Variants in CNTNAP2 observed in about 807,000 individuals in gnomAD.
CNTNAP2 encodes contactin associated protein 2, also known as contactin-associated protein-like 2.
CNTNAP2 carries 98 observed loss-of-function variants against 155.2 expected under a neutral mutation model. That is an observed-to-expected ratio of 0.63 (90% confidence interval 0.54 to 0.75). The LOEUF (loss-of-function observed/expected upper bound fraction) is 0.75. CNTNAP2 is among the 30% of genes least tolerant of loss of function. CNTNAP2 has a pLI of 0.00. For synonymous variants in CNTNAP2, 651 were observed against 631.2 expected, an observed-to-expected ratio of 1.03 and a Z score of -0.47; for missense variants, 1,727 against 1,688.1, an observed-to-expected ratio of 1.02 and a Z score of -0.40.
At chr7:147,887,376 C>G (rs1799619648) in intron 13 of CNTNAP2, among the ~76,000 whole-genome samples, 1 of 152,174 alleles carries the variant, frequency 6.6e-6, no homozygotes, top group South Asian at 2.1e-4. Context: ...GAGGCTGATG[C>G]AGGAGAATTG....
At position 147,607,751 on chromosome 7, in the gene CNTNAP2, T is replaced by A. The variant is rs150059948; in HGVS notation, c.1898-31355T>A. Among the ~76,000 whole-genome samples the A allele has an allele frequency of 1.7e-3, 265 of 152,306 alleles. 1 individual carries two copies. Among genetic ancestry groups the A allele is most frequent in the Admixed American group, 0.015 (227 of 15,306 alleles). On this transcript the variant is annotated intron_variant, in intron 12 of 23. Coordinates refer to ENST00000361727, the MANE Select transcript of CNTNAP2 (RefSeq NM_014141.6). ...CATCAAAGCTTTTCAGGTAACGGTG[T>A]CAGAAAGAGCATAATCTCTCAGGTT...
intron 1 of CNTNAP2, among the ~76,000 whole-genome samples, chr7:146,375,483 A>G (rs1038493590): frequency 6.6e-6 from 1 of 152,242 alleles, no homozygotes; most frequent in Non-Finnish European, 1.5e-5. Context: ...AATTACATTC[A>G]TCTAATATGA....
chr7:146,623,660 T>G (rs558988939), intron 1 of CNTNAP2, among the ~76,000 whole-genome samples: 1 of 152,188 alleles, frequency 6.6e-6, no homozygotes, highest in Non-Finnish European at 1.5e-5. Context: ...CTACTGACAT[T>G]TTGGTTGTTT....
intron 1 of CNTNAP2, among the ~76,000 whole-genome samples, chr7:146,122,415 T>C (rs1316423675): frequency 6.6e-6 from 1 of 152,208 alleles, no homozygotes; most frequent in African/African-American, 2.4e-5. Flanking sequence ...ATAAAGAATG[T>C]TATTTCCTCT....
intron 11 of CNTNAP2, among the ~76,000 whole-genome samples, chr7:147,533,829 A>G (rs574129493): frequency 6.6e-6 from 1 of 152,334 alleles, no homozygotes; most frequent in South Asian, 2.1e-4. Flanking sequence ...CAGTTGTACT[A>G]GCAACAGTTA....
intron 1 of CNTNAP2, among the ~76,000 whole-genome samples, chr7:146,611,137 G>A (rs576937869): frequency 2.0e-5 from 3 of 152,250 alleles, no homozygotes; most frequent in Non-Finnish European, 2.9e-5. Flanking sequence ...ATAAGGCCTC[G>A]CTCTGTCGCC....
intron 13 of CNTNAP2, among the ~76,000 whole-genome samples, chr7:147,677,453 C>T (rs1376915578): frequency 6.6e-6 from 1 of 151,544 alleles, no homozygotes; most frequent in Non-Finnish European, 1.5e-5. Flanking sequence ...ATTTTCTTTC[C>T]CCCATTCTGT....
intron 12 of CNTNAP2, among the ~76,000 whole-genome samples, chr7:147,602,190 A>G (rs1175294866): frequency 6.6e-6 from 1 of 152,038 alleles, no homozygotes; most frequent in East Asian, 1.9e-4. Context: ...CTTAAAAAAA[A>G]ATGCTACCTG....
At chr7:146,722,515 A>G (rs1173339601) in intron 1 of CNTNAP2, among the ~76,000 whole-genome samples, 1 of 152,082 alleles carries the variant, frequency 6.6e-6, no homozygotes, top group African/African-American at 2.4e-5. Context: ...TTCTCAATAC[A>G]TTAATAGTTT....
intron 18 of CNTNAP2, among the ~76,000 whole-genome samples, chr7:148,199,768 G>C (rs967142401): frequency 1.3e-5 from 2 of 152,222 alleles, no homozygotes; most frequent in African/African-American, 2.4e-5. Context: ...GTAGGATAGA[G>C]AGAGATACAT....
intron 4 of CNTNAP2, among the ~76,000 whole-genome samples, chr7:147,104,542 T>A (rs1053747267): frequency 2.0e-5 from 3 of 151,834 alleles, no homozygotes; most frequent in Admixed American, 2.0e-4. Flanking sequence ...TTTTTGTTTC[T>A]TTCGGATCCC....
intron 2 of CNTNAP2, among the ~76,000 whole-genome samples, chr7:146,804,275 T>G (rs887150448): frequency 2.6e-5 from 4 of 152,184 alleles, no homozygotes; most frequent in African/African-American, 9.7e-5. Flanking sequence ...TGCTAATGAT[T>G]TATTTGATAG....
At chr7:147,549,627 T>C (rs1448455916) in intron 11 of CNTNAP2, among the ~76,000 whole-genome samples, 2 of 152,224 alleles carry the variant, frequency 1.3e-5, no homozygotes, top group Non-Finnish European at 2.9e-5. Flanking sequence ...GGAACCCATA[T>C]ACTTGACAGA....
intron 12 of CNTNAP2, among the ~76,000 whole-genome samples, chr7:147,630,465 T>C (rs148733423): frequency 0.023 from 3,464 of 151,900 alleles, 61 homozygotes; most frequent in Non-Finnish European, 0.033. Flanking sequence ...TCTCCCTAAA[T>C]CATTCTGTGA....
At chr7:146,820,312 T>C (rs79523148) in intron 2 of CNTNAP2, among the ~76,000 whole-genome samples, 11 of 152,132 alleles carry the variant, frequency 7.2e-5, no homozygotes, top group African/African-American at 2.7e-4. Context: ...TAATATTATG[T>C]TTTGAGGAAT....
chr7:146,378,483 T>C (rs1161935114), intron 1 of CNTNAP2, among the ~76,000 whole-genome samples: 3 of 152,182 alleles, frequency 2.0e-5, no homozygotes, highest in African/African-American at 7.2e-5. Flanking sequence ...GTACTTTATG[T>C]GCATTACCTT....
intron 3 of CNTNAP2, 119 bp downstream of exon 3, chr7:146,840,023 T>C (rs1803690483): frequency 2.5e-6 from 3 of 1,193,634 alleles, no homozygotes; most frequent in African/African-American, 3.0e-5. Context: ...ATTGGGAAAC[T>C]ATTTATTCAT....
chr7:146,860,571 G>A (rs1236455541), intron 3 of CNTNAP2, among the ~76,000 whole-genome samples: 2 of 152,088 alleles, frequency 1.3e-5, no homozygotes, highest in Non-Finnish European at 2.9e-5. Context: ...TTATCTGAAA[G>A]AAAAATGGAT....
chr7:148,179,269 G>A (rs1408075596), intron 18 of CNTNAP2, among the ~76,000 whole-genome samples: 2 of 152,126 alleles, frequency 1.3e-5, no homozygotes, highest in Non-Finnish European at 2.9e-5. Context: ...AGCACTCTGA[G>A]AGGCCAAGGT....
Sources: gnomAD v4.1 joint callset for allele counts (sites outside exome capture counted in the v4.1 genomes callset) on GRCh38, gnomAD v4.1.1 for gene constraint, MANE v1.5 for transcripts, NCBI Gene and HGNC (gene_info 2026-07-23, HGNC 2026-07-21) for gene names.